GANC: variants seen among roughly 807,000 people sequenced by gnomAD.
GANC encodes glucosidase alpha, neutral C.
Under a neutral mutation model 124.2 loss-of-function variants are expected in GANC, and 117 were observed. The observed-to-expected ratio is 0.94, with a 90% CI of 0.81 to 1.10. GANC has a LOEUF of 1.10. Among genes scored for constraint, GANC ranks in the 50% least tolerant of loss-of-function variants. The probability of loss-of-function intolerance (pLI) is 0.00; values close to 1 mark genes in which losing one functional copy is unlikely to be tolerated. For synonymous variants in GANC, 377 were observed against 376.8 expected, an observed-to-expected ratio of 1.00 and a Z score of -0.01; for missense variants, 1,140 against 1,095.0, an observed-to-expected ratio of 1.04 and a Z score of -0.58.
Position 42,273,927 on chromosome 15 carries a change from A to C in GANC, c.-555A>C. 1 of 190,358 alleles carries C rather than the reference A, an allele frequency of 5.3e-6. No individual in the cohort carries two copies. Among genetic ancestry groups the C allele is most frequent in the Non-Finnish European group, 1.1e-5 (1 of 90,730 alleles). 11.8% of individuals were successfully genotyped at this position (190,358 alleles called of 1,614,324 possible). A position where few individuals can be genotyped will look rare whatever the true frequency, so the allele number is the denominator to read the frequency against. ...AGACTGGGTAGTGTAACAACCTTCA[A>C]AGGCCCCTTCTAGCCCTGAAGAGTA... On this transcript the variant is annotated 5_prime_UTR_variant, in exon 1 of 24. Transcript: ENST00000318010.
Position 42,303,552 on chromosome 15 carries a change from T to C in GANC, c.559-2994T>C, listed in dbSNP as rs554953671. On this transcript the variant is annotated intron_variant, in intron 6 of 23. Transcript: ENST00000318010. ...GGCTAAATATCCCAATTAAAAGACA[T>C]AGACTGGCAAATTGGATAAAGAGTC... 2.7e-5 allele frequency among the ~76,000 whole-genome samples: 4 copies of C among 150,480 alleles called. No homozygotes were observed. The East Asian group carries it at 7.9e-4, about 30-fold the overall frequency.
chr15:42,278,702 A>G, intron 3 of GANC, 112 bp downstream of exon 3: 1 of 717,556 alleles, frequency 1.4e-6, no homozygotes. Flanking sequence ...TAGAAAAGGA[A>G]TATCAGCCTT....
At chr15:42,334,182 G>C (rs1233179945) in intron 15 of GANC, among the ~76,000 whole-genome samples, 2 of 144,414 alleles carry the variant, frequency 1.4e-5, no homozygotes, top group Admixed American at 6.9e-5. Flanking sequence ...TTTTTTTTGA[G>C]ATGGAGTCTC....
chr15:42,274,636 G>A (rs572990654), intron 1 of GANC, 126 bp downstream of exon 1: 5 of 969,054 alleles, frequency 5.2e-6, no homozygotes, highest in African/African-American at 3.4e-5. Flanking sequence ...CTCAATTCGC[G>A]GGAAGTTAGT....
At chr15:42,347,829 G>A (rs1373670012) in intron 20 of GANC, among the ~76,000 whole-genome samples, 1 of 152,140 alleles carries the variant, frequency 6.6e-6, no homozygotes, top group East Asian at 1.9e-4. Context: ...CATCACTTAA[G>A]AGGAAAAAAC....
chr15:42,291,589 G>A (rs1224941757), intron 4 of GANC, among the ~76,000 whole-genome samples: 1 of 152,116 alleles, frequency 6.6e-6, no homozygotes, highest in Non-Finnish European at 1.5e-5. Flanking sequence ...TCCTTTTGTG[G>A]GCTGGAGATA....
At chr15:42,343,464 G>A (rs2052342283) in intron 19 of GANC, 1 of 294,102 alleles carries the variant, frequency 3.4e-6, no homozygotes, top group South Asian at 4.7e-5. Context: ...TCTTCAGTCT[G>A]CTATGAGGTA....
At chr15:42,312,145 GCTT>G (rs1023600810) in intron 10 of GANC, among the ~76,000 whole-genome samples, 1 of 152,160 alleles carries the variant, frequency 6.6e-6, no homozygotes, top group African/African-American at 2.4e-5. Flanking sequence ...AATTCCAATG[GCTT>G]CTTTTGCAGA....
At chr15:42,323,589 A>T (rs928786593) in intron 11 of GANC, among the ~76,000 whole-genome samples, 3 of 151,896 alleles carry the variant, frequency 2.0e-5, no homozygotes, top group African/African-American at 7.3e-5. Context: ...TGCATCCTCC[A>T]TCTCCTGGGT....
intron 14 of GANC, 78 bp downstream of exon 14, chr15:42,329,527 T>A (rs2052225143): frequency 1.4e-6 from 2 of 1,443,468 alleles, no homozygotes; most frequent in Non-Finnish European, 1.9e-6. Flanking sequence ...TGTGATATAA[T>A]GGCTATTCTC....
chr15:42,277,671 G>C (rs527761843), intron 2 of GANC, among the ~76,000 whole-genome samples: 7 of 151,468 alleles, frequency 4.6e-5, no homozygotes, highest in African/African-American at 1.7e-4. Context: ...CGCAATCACT[G>C]CCCACCACAA....
intron 7 of GANC, 124 bp downstream of exon 7, chr15:42,306,736 C>T: frequency 1.6e-6 from 1 of 633,838 alleles, no homozygotes; most frequent in Non-Finnish European, 2.8e-6. Context: ...ACAGAAATCC[C>T]AGATCAGATT....
intron 15 of GANC, among the ~76,000 whole-genome samples, chr15:42,333,807 A>T (rs2052264266): frequency 6.6e-6 from 1 of 152,196 alleles, no homozygotes; most frequent in African/African-American, 2.4e-5. Flanking sequence ...TACTGTTATT[A>T]TGTCTCCCCT....
intron 11 of GANC, 71 bp from the exon 12 acceptor site, chr15:42,326,227 G>T: frequency 1.8e-6 from 2 of 1,105,308 alleles, no homozygotes; most frequent in Non-Finnish European, 2.7e-6. Flanking sequence ...CCAAACTATG[G>T]CGAAAACATA....
At chr15:42,316,251 A>G (rs1475089176) in intron 10 of GANC, among the ~76,000 whole-genome samples, 1 of 152,176 alleles carries the variant, frequency 6.6e-6, no homozygotes, top group Non-Finnish European at 1.5e-5. Context: ...GAGAGATTGT[A>G]AGAAATAAAG....
rs189622857 is a variant in GANC, at chr15:42,304,370, A to G, written c.559-2176A>G. On this transcript the variant is annotated intron_variant, in intron 6 of 23. Coordinates refer to ENST00000318010, the MANE Select transcript of GANC (RefSeq NM_198141.3). ...ACAGCCAAAGCAGTGTTTAGAGGGA[A>G]ATTTGTAGCATTAAATGCCCATGGA... 7.2e-4 allele frequency among the ~76,000 whole-genome samples: 109 copies of G among 152,310 alleles called. 3 individuals are homozygous for G. In the East Asian group the frequency reaches 0.013, roughly 18 times the overall value.
chr15:42,337,145 A>C (rs2052289196), intron 15 of GANC, among the ~76,000 whole-genome samples: 1 of 152,214 alleles, frequency 6.6e-6, no homozygotes, highest in Non-Finnish European at 1.5e-5. Flanking sequence ...ATATACCCAA[A>C]GGAATACAAA....
chr15:42,284,234 C>A, intron 3 of GANC: 1 of 557,962 alleles, frequency 1.8e-6, no homozygotes, highest in Non-Finnish European at 3.2e-6. Flanking sequence ...TTTGTTAATT[C>A]TATTATGGTC....
At chr15:42,350,982 G>A (rs1031876100) in intron 22 of GANC, among the ~76,000 whole-genome samples, 5 of 150,786 alleles carry the variant, frequency 3.3e-5, no homozygotes, top group East Asian at 2.0e-4. Context: ...GGGGATTCTC[G>A]TGTCTCAGCC....
Sources: gnomAD v4.1 joint callset for allele counts (sites outside exome capture counted in the v4.1 genomes callset) on GRCh38, gnomAD v4.1.1 for gene constraint, MANE v1.5 for transcripts, NCBI Gene and HGNC (gene_info 2026-07-23, HGNC 2026-07-21) for gene names.